RNF19B: variants seen among roughly 807,000 people sequenced by gnomAD.
The protein encoded by RNF19B is ring finger protein 19B, also known as E3 ubiquitin-protein ligase RNF19B.
Under a neutral mutation model 65.5 loss-of-function variants are expected in RNF19B, and 23 were observed. That is an observed-to-expected ratio of 0.35 (90% confidence interval 0.25 to 0.50). The LOEUF is 0.50. RNF19B is among the 20% of genes least tolerant of loss of function. RNF19B has a pLI of 0.98. For missense variants in RNF19B, 794 were observed against 980.0 expected (o/e 0.81, Z 2.53); for synonymous variants, 372 against 379.6 (o/e 0.98, Z 0.23).
chr1:32,964,361 C>T lies in RNF19B; in HGVS notation c.325G>A (p.Gly109Ser), dbSNP rs1642849523. 1 of 1,405,142 alleles carries T rather than the reference C, an allele frequency of 7.1e-7. No homozygotes were observed. The highest frequency in any genetic ancestry group is 1.5e-5 in the South Asian group (1 of 67,088). 87.0% of individuals were successfully genotyped at this position (1,405,142 alleles called of 1,614,324 possible). ...PGFDDEEAAEGGGPGAEEVEC... is the reference protein window; with the variant it reads ...PGFDDEEAAESGGPGAEEVEC... ...ACCTCCTCCGCGCCCGGGCCACCGC[C>T]CTCCGCCGCCTCCTCATCGTCGAAC... The change falls in exon 1 of 9, where the codon GGC (glycine) becomes AGC (serine). Residue 109 changes from glycine (G) to serine (S), a missense_variant. By Grantham distance (56) the Gly-to-Ser change is moderately conservative (BLOSUM62 0). Coordinates refer to ENST00000235150, the MANE Select transcript of RNF19B (RefSeq NM_001300826.2). This position sits in a 1 kb window ranked among gnomAD's most constrained non-coding sequence, Gnocchi z 6.5.
rs1642869640 is a variant in RNF19B, at chr1:32,964,758, GCCCGGCCGCCGC to G, written c.-85_-74del. On this transcript the variant is annotated 5_prime_UTR_variant, in exon 1 of 9. Transcript: ENST00000235150. This position sits in a 1 kb window ranked among gnomAD's most constrained non-coding sequence, Gnocchi z 6.5. ...CCCGCCTCAGCGCCCCTCAGCCAGC[GCCCGGCCGCCGC>G]CGACGCCGCCACCACCGCCTCAACC... The G allele has an allele frequency of 1.6e-6, 2 of 1,274,148 alleles. No individual in the cohort carries two copies. Among genetic ancestry groups the G allele is most frequent in the Non-Finnish European group, 2.0e-6 (2 of 1,004,784 alleles). 78.9% of individuals were successfully genotyped at this position (1,274,148 alleles called of 1,614,324 possible).
chr1:32,940,641 G>A (rs1013294230), intron 7 of RNF19B, among the ~76,000 whole-genome samples: 32 of 152,232 alleles, frequency 2.1e-4, no homozygotes, highest in African/African-American at 7.7e-4. Context: ...CCTTTTCACA[G>A]TTGAAGGTCC....
At chr1:32,929,508 T>A in the RNF19B span, among the ~76,000 whole-genome samples, 4 of 152,234 alleles carry the variant, frequency 2.6e-5, no homozygotes, top group Non-Finnish European at 5.9e-5. Context: ...GCATTTGTGC[T>A]GGCTTAGGGC....
intron 3 of RNF19B, among the ~76,000 whole-genome samples, chr1:32,947,658 TAAAAA>T (rs375806177): frequency 8.0e-6 from 1 of 125,736 alleles, no homozygotes. Flanking sequence ...AACTCTGTCT[TAAAAA>T]AAAAAAAAAA....
chr1:32,938,576 A>C (rs779233260), intron 7 of RNF19B, 48 bp from the exon 8 acceptor site: 26 of 1,585,748 alleles, frequency 1.6e-5, no homozygotes, highest in Non-Finnish European at 2.2e-5. Flanking sequence ...TGGGTATTCC[A>C]AGACAGTCTG....
In RNF19B at chr1:32,944,043, C is replaced by G. The variant is rs1320049509; in HGVS notation, c.1378G>C (p.Asp460His). 1 of 1,611,794 alleles carries G rather than the reference C, an allele frequency of 6.2e-7. No individual in the cohort carries two copies. The highest frequency in any genetic ancestry group is 8.5e-7 in the Non-Finnish European group (1 of 1,178,618). Residue 460 changes from aspartate to histidine, a missense_variant, in exon 6 of 9, where the codon GAT (aspartate) becomes CAT (histidine). By Grantham distance (81) the Asp-to-His change is moderately conservative. Around this residue, in one of 3 missense-constraint regions of RNF19B, gnomAD observed 368 missense variants for 447.3 expected, o/e 0.82. Transcript: ENST00000235150. Reference protein sequence around the residue: ...ANGKGVKIEFDEDDGPITVAD... With the variant: ...ANGKGVKIEFHEDDGPITVAD... Reference sequence around the variant, plus strand: ...CCTGTGATTGGACCATCATCTTCATCAAATTCAATTTTCACTCCTTTTCCG... The same window carrying G: ...CCTGTGATTGGACCATCATCTTCATGAAATTCAATTTTCACTCCTTTTCCG...
intron 6 of RNF19B, among the ~76,000 whole-genome samples, chr1:32,943,681 T>C (rs1642293819): frequency 6.6e-6 from 1 of 152,158 alleles, no homozygotes; most frequent in Non-Finnish European, 1.5e-5. Context: ...GAGAGCTGTT[T>C]GTTGTAAAAA....
intron 5 of RNF19B, among the ~76,000 whole-genome samples, chr1:32,944,528 A>G (rs1642319046): frequency 6.6e-6 from 1 of 152,206 alleles, no homozygotes. Context: ...CAAATATTAA[A>G]TAAGTGACTA....
chr1:32,957,885 C>T (rs575638890), intron 1 of RNF19B, among the ~76,000 whole-genome samples: 1 of 152,284 alleles, frequency 6.6e-6, no homozygotes, highest in East Asian at 1.9e-4. Flanking sequence ...ACTATTCTTG[C>T]TTATCTCTTT....
At chr1:32,963,909 G>C in intron 1 of RNF19B, 142 bp downstream of exon 1, 1 of 1,308,746 alleles carries the variant, frequency 7.6e-7, no homozygotes, top group South Asian at 1.9e-5. Flanking sequence ...ACTAGTCTGG[G>C]CTTGCCTGAT....
downstream of RNF19B, among the ~76,000 whole-genome samples, chr1:32,932,537 A>G (rs1642039200): frequency 6.6e-6 from 1 of 152,220 alleles, no homozygotes; most frequent in Admixed American, 6.5e-5. Flanking sequence ...CCTCTGCAGC[A>G]TACGAAGGTA....
chr1:32,936,039 A>G (rs1026595038), downstream of RNF19B, among the ~76,000 whole-genome samples: 4 of 152,128 alleles, frequency 2.6e-5, no homozygotes, highest in Non-Finnish European at 4.4e-5. Flanking sequence ...GTGAGCCACC[A>G]TGCCTGACCA....
In RNF19B at chr1:32,949,561, A is replaced by T. The variant is rs1455297560; in HGVS notation, c.841+8T>A. The T allele has an allele frequency of 2.5e-6, 4 of 1,613,348 alleles. No homozygotes were observed. In the East Asian group the frequency reaches 6.7e-5, roughly 27 times the overall value. ...ATAAAGAGACAATGAGATAATGCCA[A>T]CTTATACCTGGTCCAGATTCTTGCC... is the stretch of plus-strand genomic sequence containing the variant. On this transcript the variant is annotated splice_region_variant and intron_variant, in intron 2 of 8. Coordinates refer to ENST00000235150, the MANE Select transcript of RNF19B (RefSeq NM_001300826.2).
In RNF19B at chr1:32,942,472, C is replaced by T; in HGVS notation, c.1403-13G>A. On this transcript the variant is annotated splice_polypyrimidine_tract_variant and intron_variant, in intron 6 of 8. Transcript: ENST00000235150. ...CAGGCATCTGCCACTGGGGATAGAA[C>T]CAAACATCCAATTCAAGACAGCAGA... The T allele has an allele frequency of 1.9e-6, 3 of 1,607,842 alleles. No homozygotes were observed. The highest frequency in any genetic ancestry group is 2.6e-6 in the Non-Finnish European group (3 of 1,174,816).
At chr1:32,933,267 TTTTG>T (rs1642050124), downstream of RNF19B, among the ~76,000 whole-genome samples, 1 of 145,588 alleles carries the variant, frequency 6.9e-6, no homozygotes, top group South Asian at 2.2e-4. Flanking sequence ...ATTTTTTTTT[TTTTG>T]TGAGACGGAG....
At chr1:32,935,762 C>T (rs937202353), downstream of RNF19B, among the ~76,000 whole-genome samples, 32 of 149,456 alleles carry the variant, frequency 2.1e-4, 1 homozygote, top group Admixed American at 3.3e-4. Flanking sequence ...ACTGAGAACT[C>T]TTTTTTTTTT....
rs965469826 is a variant in RNF19B, at chr1:32,946,581, C to A, written c.984-17G>T. 5 of 1,609,622 alleles carry A rather than the reference C, an allele frequency of 3.1e-6. No homozygotes were observed. The highest frequency in any genetic ancestry group is 4.2e-6 in the Non-Finnish European group (5 of 1,177,828). On this transcript the variant is annotated splice_polypyrimidine_tract_variant and intron_variant, in intron 3 of 8. Coordinates refer to ENST00000235150, the MANE Select transcript of RNF19B (RefSeq NM_001300826.2). ...CCAGAGGGGCTGCAGGGGAAACAGA[C>A]TGAAGTTAATGTCAACATTACAAAT... is the stretch of plus-strand genomic sequence containing the variant.
rs759649860 is a variant in RNF19B, at chr1:32,946,355, C to T, written c.1146+47G>A. 71 of 1,571,422 alleles carry T rather than the reference C, an allele frequency of 4.5e-5. No individual in the cohort carries two copies. The South Asian group carries it at 5.5e-4, about 12-fold the overall frequency. The stretch of plus-strand genomic sequence containing the variant: ...CCCATTTCCCTCAAACCTTTACTAA[C>T]GAACCTAAAGTTGAAACAAGCACAG... On this transcript the variant is annotated intron_variant, in intron 4 of 8. Transcript: ENST00000235150.
At chr1:32,937,315 G>T in intron 8 of RNF19B, 56 bp from the exon 9 acceptor site, 1 of 1,608,920 alleles carries the variant, frequency 6.2e-7, no homozygotes, top group South Asian at 1.1e-5. Flanking sequence ...TAAACCTGTT[G>T]GTAAAAGCAG....
Sources: gnomAD v4.1 joint callset for allele counts (sites outside exome capture counted in the v4.1 genomes callset) on GRCh38, gnomAD v4.1.1 for gene constraint, gnomAD v4.1.1 regional missense constraint, Gnocchi (gnomAD v3.1) non-coding constraint, MANE v1.5 for transcripts, NCBI Gene and HGNC (gene_info 2026-07-23, HGNC 2026-07-21) for gene names.